The following ZC3H3 variants were observed in gnomAD, a reference collection of about 807,000 sequenced individuals.
The protein encoded by ZC3H3 is zinc finger CCCH-type containing 3.
In ZC3H3, 36 loss-of-function variants were observed where a neutral mutation model predicts 77.3. The observed-to-expected ratio is 0.47, with a 90% confidence interval of 0.36 to 0.61. ZC3H3 has a LOEUF of 0.61. Among genes scored for constraint, ZC3H3 ranks in the 20% least tolerant of loss-of-function variants. The pLI, the probability that ZC3H3 is intolerant of heterozygous loss-of-function variation, is 0.00. For missense variants in ZC3H3, 1,331 were observed against 1,312.2 expected (o/e 1.01, Z -0.22); for synonymous variants, 626 against 555.2 (o/e 1.13, Z -1.79).
chr8:143,452,305 GAGGGAAGGTTC>G lies in ZC3H3; in HGVS notation c.2308-11196_2308-11186del, dbSNP rs533688668. Among the ~76,000 whole-genome samples, 575 of 152,300 alleles carry G rather than the reference GAGGGAAGGTTC, an allele frequency of 3.8e-3. 5 individuals carry two copies. The highest frequency in any genetic ancestry group is 0.013 in the African/African-American group (549 of 41,570). The stretch of plus-strand genomic sequence containing the variant: ...GTGGAACTCCTTCCCCCAAGGCAGG[GAGGGAAGGTTC>G]AGGGAAGGTCTGTTTTCCACACCAC... On this transcript the variant is annotated intron_variant, in intron 9 of 11. Transcript: ENST00000262577.
In ZC3H3 at chr8:143,538,250, C is replaced by G; in HGVS notation, c.1117G>C (p.Ala373Pro). Residue 373 changes from alanine (A) to proline (P), a missense_variant, in exon 2 of 12, where the codon GCC becomes CCC. Ala to Pro is a conservative substitution (Grantham distance 27). This residue lies in a region of ZC3H3 where 978 missense variants were observed against 915.5 expected (regional missense o/e 1.07). Transcript: ENST00000262577. ...GCCTTCCACTTGTACTTGCTGGGGG[C>G]AGACCCTGGCTTGGAGGACGTGGCT... ...KPATSSKPGS[A>P]PSKYKWKASS... is the part of the protein sequence containing the mutation. 1 of 1,613,028 alleles carries G rather than the reference C, an allele frequency of 6.2e-7. No individual in the cohort carries two copies. Among genetic ancestry groups the G allele is most frequent in the Non-Finnish European group, 8.5e-7 (1 of 1,180,032 alleles).
chr8:143,538,708 C>T lies in ZC3H3; in HGVS notation c.659G>A (p.Ser220Asn), dbSNP rs2130525252. ...DSPREPRRTVSESVIAVKASF... is the reference protein window; with the variant it reads ...DSPREPRRTVNESVIAVKASF... The stretch of plus-strand genomic sequence containing the variant: ...CGCCTTGACGGCAATCACACTCTCA[C>T]TGACTGTCCGGCGGGGCTCCCGGGG... The change falls in exon 2 of 12, where the codon AGT becomes AAT. Residue 220 changes from serine to asparagine, a missense_variant. Transcript: ENST00000262577. 6.2e-7 allele frequency: 1 copy of T among 1,608,864 alleles called. No individual in the cohort carries two copies. The highest frequency in any genetic ancestry group is 8.5e-7 in the Non-Finnish European group (1 of 1,179,888).
chr8:143,452,552 A>T (rs1820015724), intron 9 of ZC3H3, among the ~76,000 whole-genome samples: 1 of 151,914 alleles, frequency 6.6e-6, no homozygotes, highest in Admixed American at 6.6e-5. Context: ...TCATAAAGAC[A>T]GAACAGCATC....
rs531434008 is a variant in ZC3H3 at position 143,440,297 on chromosome 8, G to T, written c.2559C>A (p.Ala853=). 1 of 1,566,338 alleles carries T rather than the reference G, an allele frequency of 6.4e-7. No homozygotes were observed. Among genetic ancestry groups the T allele is most frequent in the Admixed American group, 1.8e-5 (1 of 54,262 alleles). The change falls in exon 11 of 12, where the codon GCC becomes GCA. Residue 853 remains alanine (A), a synonymous_variant. Transcript: ENST00000262577. ...CTGGGCAGTGGGGAGGTGCAGCCAC[G>T]GCAGCCGCAGTGAGGGCAGCCGAGC... The part of the protein sequence containing the change: ...TPSSAALTAA[A]VAAPPHCPGG...
chr8:143,450,206 G>T (rs1206193783), intron 9 of ZC3H3, among the ~76,000 whole-genome samples: 8 of 152,162 alleles, frequency 5.3e-5, no homozygotes, highest in African/African-American at 1.9e-4. Flanking sequence ...TATTGAGACG[G>T]TGTCTTACTC....
chr8:143,525,845 A>T (rs1822394414), intron 3 of ZC3H3, among the ~76,000 whole-genome samples: 1 of 152,218 alleles, frequency 6.6e-6, no homozygotes, highest in Admixed American at 6.5e-5. Flanking sequence ...CAGGCCATGG[A>T]GGCGGGCAGT....
In ZC3H3 at chr8:143,538,336, A is replaced by G; in HGVS notation, c.1031T>C (p.Met344Thr). The change falls in exon 2 of 12, where the codon ATG (methionine) becomes ACG (threonine). Residue 344 changes from methionine (M) to threonine (T), a missense_variant. This residue lies in a region of ZC3H3 where 978 missense variants were observed against 915.5 expected (regional missense o/e 1.07). Coordinates refer to ENST00000262577, the MANE Select transcript of ZC3H3 (RefSeq NM_015117.3). Reference sequence around the variant, plus strand: ...CTGCGGCTTCTCCACCTTGTTTGCCATGCCAGCAGAGGCCTTGCACACATT... The same window carrying G: ...CTGCGGCTTCTCCACCTTGTTTGCCGTGCCAGCAGAGGCCTTGCACACATT... ...AENVCKASAG[M>T]ANKVEKPQLI... 1 of 1,612,998 alleles carries G rather than the reference A, an allele frequency of 6.2e-7. No individual in the cohort carries two copies. The highest frequency in any genetic ancestry group is 2.2e-5 in the East Asian group (1 of 44,888).
intron 4 of ZC3H3, among the ~76,000 whole-genome samples, chr8:143,479,269 G>A (rs1385271012): frequency 1.3e-5 from 2 of 152,200 alleles, no homozygotes; most frequent in African/African-American, 4.8e-5. Flanking sequence ...ATGGGGCGAG[G>A]GCCTTGTAGC....
In ZC3H3 at chr8:143,481,379, G is replaced by A. The variant is rs1820903033; in HGVS notation, c.1716-5794C>T. On this transcript the variant is annotated intron_variant, in intron 4 of 11. Coordinates refer to ENST00000262577, the MANE Select transcript of ZC3H3 (RefSeq NM_015117.3). ...CCACCGAAGTTCCCATGCCAGCCTC[G>A]GTGACATCCCACCCCACGTGAGCCC... is the stretch of plus-strand genomic sequence containing the variant. Among the ~76,000 whole-genome samples, 4 of 152,296 alleles carry A rather than the reference G, an allele frequency of 2.6e-5. No homozygotes were observed. The South Asian group carries it at 8.3e-4, about 32-fold the overall frequency.
chr8:143,468,728 C>A, intron 5 of ZC3H3, 69 bp from the exon 6 acceptor site: 1 of 1,503,468 alleles, frequency 6.7e-7, no homozygotes. Flanking sequence ...CCTGCTGACC[C>A]CCTTAGTCGA....
chr8:143,515,015 C>G (rs1445049813), intron 3 of ZC3H3, among the ~76,000 whole-genome samples: 1 of 152,242 alleles, frequency 6.6e-6, no homozygotes, highest in Non-Finnish European at 1.5e-5. Flanking sequence ...CAGACACACA[C>G]CCCTCCCGTG....
chr8:143,459,384 A>T (rs1820198764), intron 9 of ZC3H3, among the ~76,000 whole-genome samples: 1 of 152,194 alleles, frequency 6.6e-6, no homozygotes, highest in Non-Finnish European at 1.5e-5. Flanking sequence ...CCGCGTCTCT[A>T]CTAAAACTAC....
chr8:143,510,489 C>T (rs1006001455), intron 3 of ZC3H3, among the ~76,000 whole-genome samples: 3 of 152,260 alleles, frequency 2.0e-5, no homozygotes, highest in Non-Finnish European at 2.9e-5. Flanking sequence ...CAGATGAATT[C>T]TGAGCTGGGC....
chr8:143,533,621 G>A lies in ZC3H3; in HGVS notation c.1561+2636C>T, dbSNP rs111606448. Reference sequence around the variant, plus strand: ...CCAGTGGTGGGCAAGTGAGTGGGACGCCTTCCCCACCCCTTCCTCAGACAG... The same window carrying A: ...CCAGTGGTGGGCAAGTGAGTGGGACACCTTCCCCACCCCTTCCTCAGACAG... On this transcript the variant is annotated intron_variant, in intron 3 of 11. Transcript: ENST00000262577. This position sits in a 1 kb window ranked among gnomAD's most constrained non-coding sequence, Gnocchi z 4.0. Among the ~76,000 whole-genome samples, 2 of 151,316 alleles carry A rather than the reference G, an allele frequency of 1.3e-5. No individual in the cohort carries two copies. The highest frequency in any genetic ancestry group is 6.6e-5 in the Admixed American group (1 of 15,196).
intron 9 of ZC3H3, among the ~76,000 whole-genome samples, chr8:143,451,715 C>CA (rs1361032041): frequency 1.3e-5 from 2 of 149,278 alleles, no homozygotes; most frequent in Non-Finnish European, 3.0e-5. Flanking sequence ...ACCCAGGAGA[C>CA]AGAGGTTGCA....
chr8:143,455,516 T>C (rs1226488613), intron 9 of ZC3H3, among the ~76,000 whole-genome samples: 2 of 151,746 alleles, frequency 1.3e-5, no homozygotes, highest in African/African-American at 4.8e-5. Flanking sequence ...CCCAAAATAA[T>C]AATAATAATA....
At chr8:143,536,970 G>T (rs1269333504) in intron 2 of ZC3H3, among the ~76,000 whole-genome samples, 1 of 152,022 alleles carries the variant, frequency 6.6e-6, no homozygotes, top group Non-Finnish European at 1.5e-5. Context: ...AGTGGGAGCC[G>T]GGTGCCCATG....
chr8:143,443,851 AAATTCTAGAAAAACTGAC>A (rs2129795419), intron 9 of ZC3H3, among the ~76,000 whole-genome samples: 1 of 152,364 alleles, frequency 6.6e-6, no homozygotes, highest in South Asian at 2.1e-4. Context: ...GTGAATTGAC[AAATTCTAGAAAAACTGAC>A]AAGAAAAATA....
intron 5 of ZC3H3, among the ~76,000 whole-genome samples, chr8:143,472,496 C>T (rs749209698): frequency 6.6e-6 from 1 of 152,224 alleles, no homozygotes; most frequent in African/African-American, 2.4e-5. Flanking sequence ...TCCCTCTCCT[C>T]CCCACTGCTG....
Sources: allele counts gnomAD v4.1 joint callset (sites outside exome capture counted in the v4.1 genomes callset), GRCh38; gene constraint gnomAD v4.1.1; regional missense constraint gnomAD v4.1.1; non-coding constraint Gnocchi (gnomAD v3.1); transcripts MANE v1.5; gene names NCBI Gene and HGNC (gene_info 2026-07-23, HGNC 2026-07-21).